REEP1: variants seen among roughly 807,000 people sequenced by gnomAD.
REEP1 encodes receptor expression-enhancing protein 1.
REEP1 carries 22 observed loss-of-function variants against 40.3 expected under a neutral mutation model. That is an observed-to-expected ratio of 0.55 (90% CI 0.39 to 0.78). The LOEUF (loss-of-function observed/expected upper bound fraction) is 0.78. REEP1 is among the 30% of genes least tolerant of loss of function. The pLI is 0.00. For missense variants in REEP1, 280 were observed against 361.1 expected (o/e 0.78, Z 1.82); for synonymous variants, 116 against 139.2 (o/e 0.83, Z 1.17).
At chr2:86,288,719 CCTT>C (rs1451154191) in intron 1 of REEP1, among the ~76,000 whole-genome samples, 3 of 152,182 alleles carry the variant, frequency 2.0e-5, no homozygotes, top group Non-Finnish European at 2.9e-5. Flanking sequence ...AATTTATACT[CCTT>C]CCTGCAAGTG....
chr2:86,224,077 G>A (rs1674568246), intron 7 of REEP1, among the ~76,000 whole-genome samples: 1 of 152,130 alleles, frequency 6.6e-6, no homozygotes, highest in Admixed American at 6.5e-5. Flanking sequence ...TGCCCCTGGG[G>A]CCTCTAAGCT....
chr2:86,280,917 G>A (rs1008123457), intron 2 of REEP1, among the ~76,000 whole-genome samples: 1 of 152,012 alleles, frequency 6.6e-6, no homozygotes, highest in African/African-American at 2.4e-5. Context: ...CTTTACCTTC[G>A]CCAAACCTGC....
chr2:86,295,058 GA>G (rs1038960059), intron 1 of REEP1, among the ~76,000 whole-genome samples: 3 of 152,074 alleles, frequency 2.0e-5, no homozygotes, highest in Non-Finnish European at 2.9e-5. Flanking sequence ...GAAAAGAAAA[GA>G]AAAAAAGCAA....
chr2:86,305,269 G>A (rs953870035), intron 1 of REEP1, among the ~76,000 whole-genome samples: 1 of 152,144 alleles, frequency 6.6e-6, no homozygotes, highest in Non-Finnish European at 1.5e-5. Context: ...CTGGTGTGAA[G>A]CAGGCTTCTG....
intron 2 of REEP1, among the ~76,000 whole-genome samples, chr2:86,266,650 TA>T (rs929060651): frequency 4.1e-5 from 6 of 145,894 alleles, no homozygotes; most frequent in East Asian, 2.0e-4. Context: ...AAAATAAAAA[TA>T]AAAAAAATAA....
intron 1 of REEP1, among the ~76,000 whole-genome samples, chr2:86,322,713 C>T (rs1028477375): frequency 4.6e-5 from 7 of 152,252 alleles, no homozygotes; most frequent in South Asian, 2.1e-4. Context: ...CTCAGCCTCC[C>T]GAAGTGCTAG....
At chr2:86,241,348 G>A (rs538255029) in intron 5 of REEP1, among the ~76,000 whole-genome samples, 14 of 152,338 alleles carry the variant, frequency 9.2e-5, no homozygotes, top group Admixed American at 6.5e-4. Flanking sequence ...CCACGCTATC[G>A]CACGTGATCG....
chr2:86,305,016 A>G (rs867107351), intron 1 of REEP1, among the ~76,000 whole-genome samples: 20 of 152,316 alleles, frequency 1.3e-4, no homozygotes, highest in African/African-American at 4.1e-4. Context: ...CTATGGGCAA[A>G]GTCAAGTCTT....
chr2:86,314,652 G>C (rs555934790), intron 1 of REEP1, among the ~76,000 whole-genome samples: 1 of 151,688 alleles, frequency 6.6e-6, no homozygotes, highest in East Asian at 2.0e-4. Flanking sequence ...TTCTTCCCCA[G>C]TGTGCTTTTG....
intron 1 of REEP1, among the ~76,000 whole-genome samples, chr2:86,305,796 C>A (rs1472038966): frequency 6.6e-6 from 1 of 152,184 alleles, no homozygotes; most frequent in African/African-American, 2.4e-5. Context: ...TTCCTTATTA[C>A]TCTCACAACT....
chr2:86,243,652 T>C (rs1173154736), intron 5 of REEP1, among the ~76,000 whole-genome samples: 1 of 152,198 alleles, frequency 6.6e-6, no homozygotes, highest in Non-Finnish European at 1.5e-5. Flanking sequence ...TCGACACATT[T>C]TGAGAGTGAA....
intron 1 of REEP1, among the ~76,000 whole-genome samples, chr2:86,288,032 A>ATTATTATTTTTTTTTTTTTTTTTT (rs1558916454): frequency 2.0e-5 from 3 of 149,752 alleles, no homozygotes; most frequent in African/African-American, 7.6e-5. Context: ...TATTTTTATT[A>ATTATTATTTTTTTTTTTTTTTTTT]TTTTTTTGAG....
At chr2:86,296,640 T>C (rs1317406959) in intron 1 of REEP1, among the ~76,000 whole-genome samples, 9 of 152,334 alleles carry the variant, frequency 5.9e-5, no homozygotes, top group African/African-American at 2.2e-4. Flanking sequence ...GCGGATCACC[T>C]GAGGTCAGGA....
At position 86,254,793 on chromosome 2, in the gene REEP1, T is replaced by C; in HGVS notation, c.204A>G (p.Leu68=). Residue 68 remains leucine, a synonymous_variant, in exon 4 of 9, where the codon CTA becomes CTG. Coordinates refer to ENST00000538924, the MANE Select transcript of REEP1 (RefSeq NM_001371279.1). The stretch of plus-strand genomic sequence containing the variant: ...GCAGCCAGGCTACAAATGCTATTTT[T>C]AGTTCATAATAGAATGGAAACCTGG... The part of the protein sequence containing the change: ...FLCWFPFYYE[L]KIAFVAWLLS... The C allele has an allele frequency of 6.2e-7, 1 of 1,614,140 alleles. No individual in the cohort carries two copies. Among genetic ancestry groups the C allele is most frequent in the South Asian group, 1.1e-5 (1 of 91,082 alleles).
chr2:86,304,369 A>G (rs973569990), intron 1 of REEP1, among the ~76,000 whole-genome samples: 1 of 152,176 alleles, frequency 6.6e-6, no homozygotes, highest in Admixed American at 6.5e-5. Context: ...TGCCACCACA[A>G]TTCCCTTCCT....
chr2:86,295,383 G>A (rs1245364678), intron 1 of REEP1, among the ~76,000 whole-genome samples: 2 of 152,246 alleles, frequency 1.3e-5, no homozygotes, highest in South Asian at 4.1e-4. Flanking sequence ...TACAGACCCT[G>A]TGTAAGGAAG....
intron 1 of REEP1, among the ~76,000 whole-genome samples, chr2:86,317,791 T>G (rs958995021): frequency 1.3e-5 from 2 of 152,220 alleles, no homozygotes; most frequent in African/African-American, 4.8e-5. Context: ...ACTCATACAG[T>G]GTTTCTGCTG....
At chr2:86,337,764 C>T, upstream of REEP1, 1 of 796,662 alleles carries the variant, frequency 1.3e-6, no homozygotes, top group Non-Finnish European at 1.6e-6. This position sits in a 1 kb window ranked among gnomAD's most constrained non-coding sequence, Gnocchi z 5.8. Flanking sequence ...AGGGCACCCG[C>T]GGGCCCGCCC....
intron 1 of REEP1, chr2:86,297,776 A>G: frequency 1.0e-6 from 1 of 962,996 alleles, no homozygotes; most frequent in Middle Eastern, 5.3e-4. Flanking sequence ...TGTGAGGGAA[A>G]TGCCTCTTCC....
Sources: allele counts gnomAD v4.1 joint callset (sites outside exome capture counted in the v4.1 genomes callset), GRCh38; gene constraint gnomAD v4.1.1; non-coding constraint Gnocchi (gnomAD v3.1); transcripts MANE v1.5; gene names NCBI Gene and HGNC (gene_info 2026-07-23, HGNC 2026-07-21).